LHCGR: variants seen among roughly 807,000 people sequenced by gnomAD.
The protein encoded by LHCGR is lutropin-choriogonadotropic hormone receptor.
Under a neutral mutation model 60.7 loss-of-function variants are expected in LHCGR, and 55 were observed. The observed-to-expected ratio is 0.91, with a 90% CI of 0.73 to 1.13. The LOEUF is 1.13. LHCGR is among the 50% of genes most tolerant of loss of function. The pLI is 0.00. For synonymous variants in LHCGR, 337 were observed against 316.5 expected, an observed-to-expected ratio of 1.06 and a Z score of -0.69; for missense variants, 862 against 836.0, an observed-to-expected ratio of 1.03 and a Z score of -0.38.
At chr2:48,691,472 T>C (rs1666817181) in intron 10 of LHCGR, among the ~76,000 whole-genome samples, 1 of 152,196 alleles carries the variant, frequency 6.6e-6, no homozygotes, top group Non-Finnish European at 1.5e-5. Context: ...TCAATATAAT[T>C]ATCATTTTTT....
intron 7 of LHCGR, among the ~76,000 whole-genome samples, chr2:48,709,579 T>G (rs1049087372): frequency 7.9e-5 from 12 of 152,244 alleles, no homozygotes; most frequent in Non-Finnish European, 1.6e-4. Context: ...ACTTACAGCC[T>G]CTGTAGAAAA....
chr2:48,740,270 C>T (rs776829005), intron 1 of LHCGR, among the ~76,000 whole-genome samples: 28 of 152,204 alleles, frequency 1.8e-4, no homozygotes, highest in Admixed American at 2.0e-4. Flanking sequence ...GGGGGAGGGG[C>T]GCCTGCCATT....
chr2:48,726,068 A>T (rs1436269026), intron 3 of LHCGR, among the ~76,000 whole-genome samples: 1 of 152,072 alleles, frequency 6.6e-6, no homozygotes, highest in Non-Finnish European at 1.5e-5. Flanking sequence ...CTCCTGGCCA[A>T]GCAGATTCTG....
chr2:48,694,491 T>A (rs1667021607), intron 9 of LHCGR, among the ~76,000 whole-genome samples, 187 bp from the exon 10 acceptor site: 1 of 152,174 alleles, frequency 6.6e-6, no homozygotes, highest in African/African-American at 2.4e-5. Flanking sequence ...GTCATTAGAG[T>A]GCTTCCAGCT....
intron 1 of LHCGR, among the ~76,000 whole-genome samples, chr2:48,755,085 A>G (rs1299647200): frequency 6.6e-6 from 1 of 151,948 alleles, no homozygotes; most frequent in East Asian, 2.0e-4. Flanking sequence ...TTCCTAGAGG[A>G]CCACAGGGTG....
chr2:48,688,040 GAGAT>G lies in LHCGR; in HGVS notation c.1753_1756del (p.Ile585LeufsTer16). The G allele has an allele frequency of 6.2e-7, 1 of 1,614,142 alleles. No individual in the cohort carries two copies. The highest frequency in any genetic ancestry group is 8.5e-7 in the Non-Finnish European group (1 of 1,179,980). On this transcript the variant is annotated frameshift_variant, in exon 11 of 11. Coordinates refer to ENST00000294954, the MANE Select transcript of LHCGR (RefSeq NM_000233.4). LOFTEE classifies it high-confidence loss of function. This position sits in a 1 kb window ranked among gnomAD's most constrained non-coding sequence, Gnocchi z 5.2. ...GAAGGCAGCTGAGATGGCAAAAAAA[GAGAT>G]AGGTGCCATGCAGGTGAAATCGGTG...
chr2:48,726,538 G>A (rs113209902), intron 3 of LHCGR, among the ~76,000 whole-genome samples: 1 of 152,156 alleles, frequency 6.6e-6, no homozygotes, highest in Non-Finnish European at 1.5e-5. Flanking sequence ...TCTACAAAAA[G>A]TAGTCACCAT....
chr2:48,731,688 C>T (rs968697481), intron 1 of LHCGR, among the ~76,000 whole-genome samples: 1 of 152,058 alleles, frequency 6.6e-6, no homozygotes, highest in Non-Finnish European at 1.5e-5. Context: ...CAGGATAATC[C>T]ATGTAAAGAA....
At chr2:48,744,999 GA>G (rs1350167791) in intron 1 of LHCGR, among the ~76,000 whole-genome samples, 2 of 151,782 alleles carry the variant, frequency 1.3e-5, no homozygotes, top group African/African-American at 2.4e-5. Flanking sequence ...AAATTTACAA[GA>G]AAAAAACAAA....
At chr2:48,705,627 C>T (rs1009575768) in intron 8 of LHCGR, among the ~76,000 whole-genome samples, 5 of 152,070 alleles carry the variant, frequency 3.3e-5, no homozygotes, top group South Asian at 2.1e-4. Flanking sequence ...TTGAATTGAT[C>T]CCTTTACCAT....
chr2:48,729,339 CCTGAAAAGAACAAAGATGTGCA>C, intron 2 of LHCGR, 112 bp from the exon 3 acceptor site: 1 of 819,974 alleles, frequency 1.2e-6, no homozygotes, highest in Non-Finnish European at 2.1e-6. Flanking sequence ...ACTGTGTCCC[CCTGAAAAGAACAAAGATGTGCA>C]AGTTGTCCCC....
At chr2:48,731,759 G>A (rs1669003278) in intron 1 of LHCGR, among the ~76,000 whole-genome samples, 1 of 152,134 alleles carries the variant, frequency 6.6e-6, no homozygotes. Context: ...GACTTGATTG[G>A]GAAGATGGAC....
At position 48,689,182 on chromosome 2, in the gene LHCGR, CACAT is replaced by C. The variant is rs1221476537; in HGVS notation, c.948-337_948-334del. 1.1e-4 allele frequency among the ~76,000 whole-genome samples: 16 copies of C among 150,514 alleles called. 1 individual carries two copies. The South Asian group carries it at 1.2e-3, about 12-fold the overall frequency. On this transcript the variant is annotated intron_variant, in intron 10 of 10. Coordinates refer to ENST00000294954, the MANE Select transcript of LHCGR (RefSeq NM_000233.4). ...ATACACACATATATACATATATACA[CACAT>C]ATATATACTATACATACATACATAT...
intron 10 of LHCGR, among the ~76,000 whole-genome samples, chr2:48,691,011 G>C (rs1199240097): frequency 1.3e-5 from 2 of 152,194 alleles, no homozygotes; most frequent in African/African-American, 2.4e-5. Context: ...CACACAGCAT[G>C]ATGCATGTAG....
chr2:48,751,372 T>G (rs963180245), intron 1 of LHCGR, among the ~76,000 whole-genome samples: 1 of 152,252 alleles, frequency 6.6e-6, no homozygotes, highest in African/African-American at 2.4e-5. Context: ...TCTTCCTTGC[T>G]TCTCAGCAAC....
intron 1 of LHCGR, among the ~76,000 whole-genome samples, chr2:48,736,791 G>A (rs902832869): frequency 6.6e-6 from 1 of 152,172 alleles, no homozygotes; most frequent in African/African-American, 2.4e-5. Context: ...TCAATTGGGA[G>A]ACATATGCAC....
At chr2:48,739,372 T>C (rs542224308) in intron 1 of LHCGR, among the ~76,000 whole-genome samples, 31 of 152,334 alleles carry the variant, frequency 2.0e-4, no homozygotes, top group Non-Finnish European at 4.0e-4. Context: ...CGTGTATTTA[T>C]TGCGGCACTA....
intron 8 of LHCGR, among the ~76,000 whole-genome samples, chr2:48,703,617 G>A (rs1204165937): frequency 1.3e-5 from 2 of 152,080 alleles, no homozygotes; most frequent in Non-Finnish European, 2.9e-5. Flanking sequence ...TTTGTAAGCT[G>A]GATTCCCAGG....
chr2:48,745,289 G>T (rs987803722), intron 1 of LHCGR, among the ~76,000 whole-genome samples: 2 of 152,180 alleles, frequency 1.3e-5, no homozygotes, highest in Admixed American at 1.3e-4. Flanking sequence ...TCAGTGTGGC[G>T]ATTCCTCAGG....
Sources: gnomAD v4.1 joint callset for allele counts (sites outside exome capture counted in the v4.1 genomes callset) on GRCh38, gnomAD v4.1.1 for gene constraint, Gnocchi (gnomAD v3.1) non-coding constraint, MANE v1.5 for transcripts, NCBI Gene and HGNC (gene_info 2026-07-23, HGNC 2026-07-21) for gene names.